The following UGT1A4 variants were observed in gnomAD, a reference collection of about 807,000 sequenced individuals.
UGT1A4 encodes the protein UDP-glucuronosyltransferase 1A4.
A neutral mutation model predicts 41.1 loss-of-function variants in UGT1A4; 32 were observed. The observed-to-expected ratio is 0.78, with a 90% CI of 0.59 to 1.05. UGT1A4 has a LOEUF of 1.05. UGT1A4 is among the 50% of genes least tolerant of loss of function. The pLI, the probability that UGT1A4 is intolerant of heterozygous loss-of-function variation, is 0.00. For missense variants in UGT1A4, 748 were observed against 677.4 expected (o/e 1.10, Z -1.16); for synonymous variants, 283 against 265.1 (o/e 1.07, Z -0.66).
At chr2:233,724,286 G>C (rs1416950047) in intron 1 of UGT1A4, among the ~76,000 whole-genome samples, 3 of 143,448 alleles carry the variant, frequency 2.1e-5, no homozygotes, top group African/African-American at 2.6e-5. Flanking sequence ...CCGGGCGGGG[G>C]GCTGACCCCC....
At chr2:233,741,532 A>C (rs1691693869) in intron 1 of UGT1A4, 1 of 151,938 alleles carries the variant, frequency 6.6e-6, no homozygotes, top group Non-Finnish European at 1.5e-5. Flanking sequence ...AGTCTGTCTT[A>C]TTCTGATACT....
At chr2:233,755,966 T>C (rs1157014475) in intron 1 of UGT1A4, 5 of 152,190 alleles carry the variant, frequency 3.3e-5, no homozygotes, top group African/African-American at 7.2e-5. Context: ...CTTGGCTCTA[T>C]AGAGAGGTGG....
intron 1 of UGT1A4, among the ~76,000 whole-genome samples, chr2:233,728,144 G>T (rs577177228): frequency 2.0e-5 from 3 of 152,328 alleles, no homozygotes; most frequent in South Asian, 4.2e-4. Flanking sequence ...CCCACAAATT[G>T]TGCAGCCCAT....
intron 1 of UGT1A4, chr2:233,760,701 C>T (rs768185321): frequency 1.2e-5 from 19 of 1,614,172 alleles, no homozygotes; most frequent in Non-Finnish European, 1.6e-5. Flanking sequence ...AGCTCATGGC[C>T]TCCCTGGCAG....
At chr2:233,767,325 T>C (rs1479941821) in intron 2 of UGT1A4, among the ~76,000 whole-genome samples, 160 bp downstream of exon 2, 1 of 152,210 alleles carries the variant, frequency 6.6e-6, no homozygotes, top group Non-Finnish European at 1.5e-5. Flanking sequence ...TTGTTGTGGT[T>C]GTTGTCATTG....
At chr2:233,721,653 G>C in intron 1 of UGT1A4, 1 of 213,974 alleles carries the variant, frequency 4.7e-6, no homozygotes, top group Non-Finnish European at 9.6e-6. Flanking sequence ...GGCAGTGGGG[G>C]GTCATGTAAG....
rs114514275 is a variant in UGT1A4 at position 233,742,148 on chromosome 2, C to T, written c.867+22461C>T. On this transcript the variant is annotated intron_variant, in intron 1 of 4. Transcript: ENST00000373409. ...GAGACCCTAACCCAGCAGCGCTAGA[C>T]GAATTAAAGACACACACACAGAAAT... 2.7e-3 allele frequency among the ~76,000 whole-genome samples: 409 copies of T among 151,916 alleles called. 4 individuals carry two copies. Among genetic ancestry groups the T allele is most frequent in the Middle Eastern group, 6.8e-3 (2 of 294 alleles).
chr2:233,719,879 C>T (rs573880021), intron 1 of UGT1A4, among the ~76,000 whole-genome samples, 192 bp downstream of exon 1: 35 of 152,076 alleles, frequency 2.3e-4, no homozygotes, highest in Non-Finnish European at 3.7e-4. Context: ...AGAAGAGGCA[C>T]GGATGAGGGT....
At chr2:233,726,270 A>G (rs6711351) in intron 1 of UGT1A4, among the ~76,000 whole-genome samples, 81,704 of 152,100 alleles carry the variant, frequency 0.54, 23,602 homozygotes, top group African/African-American at 0.76. Context: ...GCATGCGCCT[A>G]TGGTCCCAGG....
chr2:233,747,488 T>C lies in UGT1A4; in HGVS notation c.868-19546T>C. 5.0e-6 allele frequency: 8 copies of C among 1,608,972 alleles called. No homozygotes were observed. In the South Asian group the frequency reaches 8.8e-5, roughly 18 times the overall value. On this transcript the variant is annotated intron_variant, in intron 1 of 4. Coordinates refer to ENST00000373409, the MANE Select transcript of UGT1A4 (RefSeq NM_007120.3). Reference sequence around the variant, plus strand: ...GGACCCAGGATGAATTTGATCGCCTTGTGCTGGGCCACACTCAACTGTACT... The same window carrying C: ...GGACCCAGGATGAATTTGATCGCCTCGTGCTGGGCCACACTCAACTGTACT...
At chr2:233,723,413 C>T (rs1262463739) in intron 1 of UGT1A4, among the ~76,000 whole-genome samples, 1 of 133,572 alleles carries the variant, frequency 7.5e-6, no homozygotes, top group Non-Finnish European at 1.6e-5. Flanking sequence ...TTTCACCATA[C>T]TGGTCAGGCT....
intron 1 of UGT1A4, among the ~76,000 whole-genome samples, chr2:233,762,527 A>C (rs1575790124): frequency 4.6e-5 from 7 of 152,228 alleles, no homozygotes; most frequent in Admixed American, 3.9e-4. Context: ...ATTTCATGGT[A>C]CTTGTGTACC....
chr2:233,759,542 G>A (rs751549220), intron 1 of UGT1A4, among the ~76,000 whole-genome samples: 1 of 152,024 alleles, frequency 6.6e-6, no homozygotes, highest in Non-Finnish European at 1.5e-5. Flanking sequence ...GTTCACATGC[G>A]CTCCAGTGAA....
In UGT1A4 at chr2:233,752,546, T is replaced by C. The variant is rs530394828; in HGVS notation, c.868-14488T>C. ...TAAAAATTCTTTAAATAAAATGCTC[T>C]TGCTGGGACAACATAGTGGGTCAAC... is the stretch of plus-strand genomic sequence containing the variant. On this transcript the variant is annotated intron_variant, in intron 1 of 4. Coordinates refer to ENST00000373409, the MANE Select transcript of UGT1A4 (RefSeq NM_007120.3). The C allele has an allele frequency of 2.0e-5, 3 of 152,346 alleles. No homozygotes were observed. The East Asian group carries it at 5.8e-4, about 29-fold the overall frequency. The allele number at this position is 152,346 out of a possible 1,614,324, so 9.4% of individuals were successfully genotyped here.
chr2:233,755,426 C>G, intron 1 of UGT1A4: 1 of 320,654 alleles, frequency 3.1e-6, no homozygotes, highest in South Asian at 2.7e-5. Flanking sequence ...GAGCGCCTCG[C>G]ATCCCAAGAT....
At position 233,725,305 on chromosome 2, in the gene UGT1A4, C is replaced by G. The variant is rs59627078; in HGVS notation, c.867+5618C>G. 2.6e-4 allele frequency among the ~76,000 whole-genome samples: 9 copies of G among 33,972 alleles called. 3 individuals are homozygous for G. Among genetic ancestry groups the G allele is most frequent in the African/African-American group, 6.7e-4 (2 of 2,968 alleles). The allele number at this position is 33,972 out of a possible 152,430, so 22.3% of individuals were successfully genotyped here. A position where few individuals can be genotyped will look rare whatever the true frequency, so the allele number is the denominator to read the frequency against. ...GCAGAGGCAGAGGCAGAGGCAGAGG[C>G]AGAGGCAGAGGCGCCTGGTCAACAA... On this transcript the variant is annotated intron_variant, in intron 1 of 4. Coordinates refer to ENST00000373409, the MANE Select transcript of UGT1A4 (RefSeq NM_007120.3).
chr2:233,754,865 T>C, intron 1 of UGT1A4: 1 of 1,351,074 alleles, frequency 7.4e-7, no homozygotes, highest in Non-Finnish European at 9.9e-7. Flanking sequence ...GTGCAGACCC[T>C]CTGCTTCTGC....
At chr2:233,764,430 T>C (rs1698558125) in intron 1 of UGT1A4, among the ~76,000 whole-genome samples, 1 of 152,218 alleles carries the variant, frequency 6.6e-6, no homozygotes, top group African/African-American at 2.4e-5. Flanking sequence ...AATCTCCAGA[T>C]GAACTTTTGT....
chr2:233,743,525 C>T (rs1559387146), intron 1 of UGT1A4: 1 of 1,367,234 alleles, frequency 7.3e-7, no homozygotes, highest in Non-Finnish European at 9.8e-7. Flanking sequence ...CTTCTGCTTC[C>T]CCAGCAGTTC....
Sources: gnomAD v4.1 joint callset for allele counts (sites outside exome capture counted in the v4.1 genomes callset) on GRCh38, gnomAD v4.1.1 for gene constraint, MANE v1.5 for transcripts, NCBI Gene and HGNC (gene_info 2026-07-23, HGNC 2026-07-21) for gene names.